Variants in MIER3 observed in about 807,000 individuals in gnomAD.
MIER3 encodes MIER family member 3.
In MIER3, 9 loss-of-function variants were observed where a neutral mutation model predicts 63.2. That is an observed-to-expected ratio of 0.14 (90% confidence interval 0.09 to 0.25). MIER3 has a LOEUF of 0.25. Among genes scored for constraint, MIER3 ranks in the 10% least tolerant of loss-of-function variants. The pLI, the probability that MIER3 is intolerant of heterozygous loss-of-function variation, is 1.00. For missense variants in MIER3, 512 were observed against 666.2 expected, an observed-to-expected ratio of 0.77 and a Z score of 2.55; for synonymous variants, 205 against 224.9, an observed-to-expected ratio of 0.91 and a Z score of 0.79.
chr5:56,932,186 G>A (rs548420588), intron 8 of MIER3, among the ~76,000 whole-genome samples: 6 of 152,194 alleles, frequency 3.9e-5, no homozygotes, highest in African/African-American at 1.2e-4. Flanking sequence ...CTTGAACCTG[G>A]GAGGTGGAGG....
At position 56,935,759 on chromosome 5, in the gene MIER3, G is replaced by A. The variant is rs1750420509; in HGVS notation, c.437-8C>T. ...CATCACATGCAGTATTTGCTTAAAA[G>A]ACAAAAATTAAAAAGGTTTTTACTG... is the stretch of plus-strand genomic sequence containing the variant. On this transcript the variant is annotated splice_region_variant and splice_polypyrimidine_tract_variant and intron_variant, in intron 5 of 12. Coordinates refer to ENST00000381199, the MANE Select transcript of MIER3 (RefSeq NM_001297599.2). 1 of 1,608,600 alleles carries A rather than the reference G, an allele frequency of 6.2e-7. No individual in the cohort carries two copies. Among genetic ancestry groups the A allele is most frequent in the African/African-American group, 1.3e-5 (1 of 74,594 alleles).
Position 56,923,561 on chromosome 5 carries a change from A to G in MIER3, c.1220T>C (p.Val407Ala). 1 of 1,613,938 alleles carries G rather than the reference A, an allele frequency of 6.2e-7. No homozygotes were observed. The highest frequency in any genetic ancestry group is 8.5e-7 in the Non-Finnish European group (1 of 1,179,872). Residue 407 changes from valine to alanine, a missense_variant, in exon 13 of 13, where the codon GTC becomes GCC. Val to Ala is a moderately conservative substitution (Grantham distance 64, BLOSUM62 0). This residue lies in a region of MIER3 where 218 missense variants were observed against 251.2 expected (regional missense o/e 0.87). Transcript: ENST00000381199. ...LTALTNSVAT[V>A]CDPTDVNCLD... ...ACAATTCACATCTGTGGGGTCGCAG[A>G]CGGTTGCTACACTGTTGGTCAAAGC...
intron 3 of MIER3, chr5:56,941,537 G>A (rs1750646889): frequency 6.6e-6 from 1 of 152,226 alleles, no homozygotes; most frequent in Non-Finnish European, 1.5e-5. Flanking sequence ...ACATATGTGA[G>A]GCCTGAAGGT....
chr5:56,937,500 A>T, intron 5 of MIER3, 78 bp downstream of exon 5: 1 of 1,328,078 alleles, frequency 7.5e-7, no homozygotes, highest in South Asian at 1.7e-5. Flanking sequence ...TTCTGACACA[A>T]ATTACTGAAC....
At position 56,928,844 on chromosome 5, in the gene MIER3, T is replaced by C; in HGVS notation, c.847A>G (p.Thr283Ala). The C allele has an allele frequency of 6.2e-7, 1 of 1,612,946 alleles. No homozygotes were observed. Among genetic ancestry groups the C allele is most frequent in the East Asian group, 2.2e-5 (1 of 44,856 alleles). Residue 283 changes from threonine to alanine, a missense_variant, in exon 10 of 13, where the codon ACG becomes GCG. This residue lies in a region of MIER3 where 34 missense variants were observed against 86.3 expected (regional missense o/e 0.39). Coordinates refer to ENST00000381199, the MANE Select transcript of MIER3 (RefSeq NM_001297599.2). ...KASQEGMTAW[T>A]EEECRSFEHA... ...TCAAAGCTTCGGCATTCTTCTTCCG[T>C]CCATGCAGTCATTCCTTCTAAGAAA...
intron 3 of MIER3, among the ~76,000 whole-genome samples, chr5:56,945,272 G>C (rs953047286): frequency 6.6e-6 from 1 of 152,140 alleles, no homozygotes; most frequent in African/African-American, 2.4e-5. Context: ...AGACCAGCCT[G>C]GCCAACATGG....
At chr5:56,940,966 T>A in intron 3 of MIER3, 1 of 985,346 alleles carries the variant, frequency 1.0e-6, no homozygotes, top group Non-Finnish European at 1.2e-6. Context: ...AGTTTCACAC[T>A]CTCTCCCTGA....
chr5:56,933,240 A>G lies in MIER3; in HGVS notation c.747+7T>C. On this transcript the variant is annotated splice_region_variant and intron_variant, in intron 8 of 12. Coordinates refer to ENST00000381199, the MANE Select transcript of MIER3 (RefSeq NM_001297599.2). ...TGGCTGCTGTTTCAACAGAAGCTGA[A>G]GTATACCTGTTCATTGTCCCTTGTG... The G allele has an allele frequency of 6.3e-7, 1 of 1,594,072 alleles. No individual in the cohort carries two copies. The highest frequency in any genetic ancestry group is 1.8e-5 in the Admixed American group (1 of 56,504).
At position 56,933,311 on chromosome 5, in the gene MIER3, C is replaced by T; in HGVS notation, c.683G>A (p.Arg228Lys). The change falls in exon 8 of 13, where the codon AGG becomes AAG. Residue 228 changes from arginine to lysine, a missense_variant. By Grantham distance (26) the Arg-to-Lys change is conservative (BLOSUM62 2). Transcript: ENST00000381199. ...VKEYLVETSL[R>K]TGSEKIMDRI... is the part of the protein sequence containing the mutation. ...ATCCATTATTTTTTCACTGCCAGTC[C>T]TTAATGAAGTCTCAACAAGGTATTC... 1 of 1,613,250 alleles carries T rather than the reference C, an allele frequency of 6.2e-7. No homozygotes were observed. Among genetic ancestry groups the T allele is most frequent in the Non-Finnish European group, 8.5e-7 (1 of 1,179,636 alleles).
intron 3 of MIER3, among the ~76,000 whole-genome samples, chr5:56,942,612 AGAGT>A (rs749847626): frequency 1.4e-4 from 22 of 152,260 alleles, no homozygotes; most frequent in South Asian, 4.1e-4. Flanking sequence ...AAAGGCACAC[AGAGT>A]GAGACGATAA....
intron 12 of MIER3, 47 bp downstream of exon 12, chr5:56,923,644 C>T (rs746495462): frequency 1.9e-6 from 3 of 1,613,180 alleles, no homozygotes; most frequent in Non-Finnish European, 2.5e-6. Flanking sequence ...ACAGAGGACA[C>T]AATTTTGCAA....
rs1392896840 is a variant in MIER3, at chr5:56,933,362, T to C, written c.632A>G (p.Asp211Gly). 1.2e-6 allele frequency: 2 copies of C among 1,612,420 alleles called. No homozygotes were observed. Among genetic ancestry groups the C allele is most frequent in the Non-Finnish European group, 1.7e-6 (2 of 1,179,330 alleles). ...ENEDQLLWCP[D>G]VVLESKVKEY... Reference sequence around the variant, plus strand: ...CTTAACTTTGCTCTCCAAAACCACATCAGGACACCAAAGTAACTGGTCTTC... The same window carrying C: ...CTTAACTTTGCTCTCCAAAACCACACCAGGACACCAAAGTAACTGGTCTTC... Residue 211 changes from aspartate (D) to glycine (G), a missense_variant, in exon 8 of 13, where the codon GAT (aspartate) becomes GGT (glycine). Around this residue, in one of 5 missense-constraint regions of MIER3, gnomAD observed 118 missense variants for 133.6 expected, o/e 0.88. Transcript: ENST00000381199.
chr5:56,951,917 C>T (rs1751050727), intron 1 of MIER3, among the ~76,000 whole-genome samples, 177 bp downstream of exon 1: 1 of 150,228 alleles, frequency 6.7e-6, no homozygotes, highest in African/African-American at 2.4e-5. Flanking sequence ...GCGCCCGCTC[C>T]CGCCCCCCGG....
At chr5:56,946,742 A>G (rs1006696196) in intron 3 of MIER3, among the ~76,000 whole-genome samples, 184 bp downstream of exon 3, 2 of 151,658 alleles carry the variant, frequency 1.3e-5, no homozygotes, top group Non-Finnish European at 2.9e-5. Context: ...TTAAAAATTA[A>G]GTTAACAGAT....
At chr5:56,947,430 A>C (rs980326500) in intron 2 of MIER3, among the ~76,000 whole-genome samples, 2 of 152,204 alleles carry the variant, frequency 1.3e-5, no homozygotes, top group African/African-American at 4.8e-5. Flanking sequence ...CAATAGCAAA[A>C]TATCAGAAAG....
chr5:56,935,213 G>A (rs920176038), intron 7 of MIER3, among the ~76,000 whole-genome samples: 2 of 152,106 alleles, frequency 1.3e-5, no homozygotes, highest in African/African-American at 2.4e-5. Flanking sequence ...AGCACTATGT[G>A]TGCCTTGGGC....
chr5:56,948,972 A>G (rs1445195331), intron 2 of MIER3, among the ~76,000 whole-genome samples: 1 of 152,224 alleles, frequency 6.6e-6, no homozygotes, highest in Non-Finnish European at 1.5e-5. Flanking sequence ...TTTGGGACCT[A>G]AAGGAAGTCA....
intron 9 of MIER3, 107 bp downstream of exon 9, chr5:56,930,557 T>C: frequency 2.2e-6 from 2 of 902,552 alleles, no homozygotes; most frequent in Non-Finnish European, 3.6e-6. Flanking sequence ...AACCAGATCT[T>C]ACAAAAGTGT....
chr5:56,925,945 G>A (rs1413375582), intron 10 of MIER3, among the ~76,000 whole-genome samples: 3 of 151,934 alleles, frequency 2.0e-5, no homozygotes, highest in South Asian at 4.1e-4. Context: ...TACACCCCAC[G>A]GGTACAGTCA....
Sources: allele counts gnomAD v4.1 joint callset (sites outside exome capture counted in the v4.1 genomes callset), GRCh38; gene constraint gnomAD v4.1.1; regional missense constraint gnomAD v4.1.1; transcripts MANE v1.5; gene names NCBI Gene and HGNC (gene_info 2026-07-23, HGNC 2026-07-21).